SCAP: variants seen among roughly 807,000 people sequenced by gnomAD.
SCAP encodes the protein SREBF chaperone, also known as sterol regulatory element-binding protein cleavage-activating protein.
In SCAP, 65 loss-of-function variants were observed where a neutral mutation model predicts 123.6. The observed-to-expected ratio is 0.53, with a 90% CI of 0.43 to 0.65. SCAP has a LOEUF of 0.65. Ranked by LOEUF, SCAP falls within the 30% of genes least tolerant of loss-of-function variation. The pLI, the probability that SCAP is intolerant of heterozygous loss-of-function variation, is 0.00. For synonymous variants in SCAP, 740 were observed against 726.3 expected, an observed-to-expected ratio of 1.02 and a Z score of -0.30; for missense variants, 1,398 against 1,712.5, an observed-to-expected ratio of 0.82 and a Z score of 3.24.
chr3:47,423,186 A>C (rs1053866671), intron 9 of SCAP, among the ~76,000 whole-genome samples: 3 of 152,172 alleles, frequency 2.0e-5, no homozygotes, highest in African/African-American at 7.2e-5. Context: ...TGGGGTGACG[A>C]GGAAGAAGAG....
rs771778990 is a variant in SCAP at position 47,427,586 on chromosome 3, G to A, written c.492C>T (p.Leu164=). 9 of 1,614,018 alleles carry A rather than the reference G, an allele frequency of 5.6e-6. No homozygotes were observed. The highest frequency in any genetic ancestry group is 1.6e-4 in the Middle Eastern group (1 of 6,084). Residue 164 remains leucine (L), a synonymous_variant, in exon 5 of 23, where the codon CTC becomes CTT. Coordinates refer to ENST00000265565, the MANE Select transcript of SCAP (RefSeq NM_012235.4). ...LPGLRKLRNL[L]PEHGCLLLSP... is the part of the protein sequence containing the mutation. Reference sequence around the variant, plus strand: ...ACAGCAGCAGGCATCCATGCTCAGGGAGTAGGTTCCTGAGCTTCCTAAGGC... The same window carrying A: ...ACAGCAGCAGGCATCCATGCTCAGGAAGTAGGTTCCTGAGCTTCCTAAGGC...
intron 3 of SCAP, among the ~76,000 whole-genome samples, chr3:47,432,186 G>A (rs1311629960): frequency 1.3e-5 from 2 of 151,864 alleles, no homozygotes; most frequent in Admixed American, 1.3e-4. Flanking sequence ...GCGTGGTGGT[G>A]CGTGCCTGTA....
intron 16 of SCAP, 32 bp from the exon 17 acceptor site, chr3:47,417,858 C>A: frequency 1.4e-6 from 1 of 701,320 alleles, no homozygotes; most frequent in South Asian, 2.1e-5. Flanking sequence ...TGAGAGGGGG[C>A]ACGGGGGAGG....
intron 1 of SCAP, chr3:47,443,426 T>C (rs1706901205): frequency 5.5e-6 from 1 of 183,194 alleles, no homozygotes; most frequent in Admixed American, 5.4e-5. Context: ...AGACGTCACC[T>C]TCAGCTGCTC....
At chr3:47,442,295 T>C (rs1706838383) in intron 2 of SCAP, among the ~76,000 whole-genome samples, 2 of 152,190 alleles carry the variant, frequency 1.3e-5, no homozygotes, top group Admixed American at 1.3e-4. Context: ...CAGGCTTCTA[T>C]GAGGCCTTGA....
chr3:47,417,443 T>A lies in SCAP; in HGVS notation c.2831A>T (p.Gln944Leu), dbSNP rs1421288143. The A allele has an allele frequency of 3.2e-6, 5 of 1,554,694 alleles. No homozygotes were observed. The highest frequency in any genetic ancestry group is 4.3e-6 in the Non-Finnish European group (5 of 1,150,304). Residue 944 changes from glutamine (Q) to leucine (L), a missense_variant, in exon 17 of 23, where the codon CAG becomes CTG. Gln to Leu is a moderately radical substitution (Grantham distance 113, BLOSUM62 -2). This residue lies in a region of SCAP where 828 missense variants were observed against 882.5 expected (regional missense o/e 0.94). Transcript: ENST00000265565. ...GGAGCCACCCTCGTCCTCAGGGGCC[T>A]GGGACAGCACCGGCCCAGGCGAGGG... ...RPPSPGPVLS[Q>L]APEDEGGSPE...
chr3:47,464,295 C>T (rs1379677921), intron 1 of SCAP, among the ~76,000 whole-genome samples: 2 of 152,034 alleles, frequency 1.3e-5, no homozygotes, highest in Non-Finnish European at 2.9e-5. Flanking sequence ...GGATTACAGG[C>T]GTGAGCCACT....
chr3:47,428,471 C>A, intron 4 of SCAP, 42 bp downstream of exon 4: 4 of 1,597,372 alleles, frequency 2.5e-6, no homozygotes, highest in South Asian at 1.1e-5. Context: ...CCCTTCAGTA[C>A]AGAATGGGAT....
intron 7 of SCAP, 122 bp from the exon 8 acceptor site, chr3:47,425,733 A>G: frequency 9.0e-7 from 1 of 1,113,308 alleles, no homozygotes; most frequent in Non-Finnish European, 1.3e-6. Flanking sequence ...ACCAAAGGAA[A>G]GGGACAGGCA....
chr3:47,425,908 C>A, intron 7 of SCAP, 89 bp downstream of exon 7: 1 of 1,462,462 alleles, frequency 6.8e-7, no homozygotes, highest in East Asian at 2.3e-5. Flanking sequence ...CTCTCTACCC[C>A]AAGCCACCTC....
intron 2 of SCAP, among the ~76,000 whole-genome samples, chr3:47,438,782 G>A (rs1368415433): frequency 1.3e-5 from 2 of 150,852 alleles, no homozygotes; most frequent in African/African-American, 4.9e-5. Flanking sequence ...CCATGCCAGT[G>A]CACTCTAGCC....
rs1332612973 is a variant in SCAP at position 47,426,176 on chromosome 3, A to G, written c.738-7T>C. ...ACGCAGGCTGCCCAGGAACCTGGTC[A>G]AGGAGCAGGGTGGGGGTAAATGGAA... On this transcript the variant is annotated splice_polypyrimidine_tract_variant and splice_region_variant and intron_variant, in intron 6 of 22. Coordinates refer to ENST00000265565, the MANE Select transcript of SCAP (RefSeq NM_012235.4). The G allele has an allele frequency of 6.2e-7, 1 of 1,612,392 alleles. No individual in the cohort carries two copies. Among genetic ancestry groups the G allele is most frequent in the South Asian group, 1.1e-5 (1 of 90,918 alleles).
chr3:47,456,336 C>T (rs1294708524), intron 1 of SCAP, among the ~76,000 whole-genome samples: 1 of 152,020 alleles, frequency 6.6e-6, no homozygotes, highest in African/African-American at 2.4e-5. Context: ...TGGCAAGGTC[C>T]AGGCTGTAGT....
At chr3:47,456,013 A>G (rs1707411187) in intron 1 of SCAP, among the ~76,000 whole-genome samples, 1 of 152,256 alleles carries the variant, frequency 6.6e-6, no homozygotes. Flanking sequence ...ACAGTAAATG[A>G]TAAACAAGTA....
intron 1 of SCAP, among the ~76,000 whole-genome samples, chr3:47,470,775 C>A (rs767388649): frequency 3.3e-5 from 5 of 152,186 alleles, no homozygotes; most frequent in Admixed American, 1.3e-4. Flanking sequence ...GCAGGAGAGT[C>A]GCTTGAACCC....
intron 1 of SCAP, among the ~76,000 whole-genome samples, chr3:47,444,032 C>T (rs376295408): frequency 3.3e-5 from 5 of 152,120 alleles, no homozygotes; most frequent in East Asian, 3.8e-4. Context: ...CTTTTTTTTC[C>T]GTTTTGTAAG....
intron 21 of SCAP, 25 bp from the exon 22 acceptor site, chr3:47,414,411 G>C: frequency 1.2e-6 from 2 of 1,610,976 alleles, no homozygotes; most frequent in Non-Finnish European, 1.7e-6. Context: ...CAGGGGAGTG[G>C]GGTCACCATG....
At chr3:47,416,524 TAGG>T (rs1287938538) in intron 18 of SCAP, among the ~76,000 whole-genome samples, 3 of 151,406 alleles carry the variant, frequency 2.0e-5, no homozygotes, top group Non-Finnish European at 4.4e-5. Context: ...CGAGAAAGGA[TAGG>T]AGTATATCAC....
At chr3:47,425,451 C>A in intron 8 of SCAP, 34 bp downstream of exon 8, 1 of 1,604,714 alleles carries the variant, frequency 6.2e-7, no homozygotes, top group Non-Finnish European at 8.5e-7. Context: ...CCTGAGCCCA[C>A]CCTGTGGCCC....
Sources: gnomAD v4.1 joint callset for allele counts (sites outside exome capture counted in the v4.1 genomes callset) on GRCh38, gnomAD v4.1.1 for gene constraint, gnomAD v4.1.1 regional missense constraint, MANE v1.5 for transcripts, NCBI Gene and HGNC (gene_info 2026-07-23, HGNC 2026-07-21) for gene names.